The following PTPRQ variants were observed in gnomAD, a reference collection of about 807,000 sequenced individuals.
The protein encoded by PTPRQ is protein tyrosine phosphatase receptor type Q, also known as phosphatidylinositol phosphatase PTPRQ.
Under a neutral mutation model 246.0 loss-of-function variants are expected in PTPRQ, and 199 were observed. The ratio of observed to expected loss-of-function variants is 0.81; its 90% CI spans 0.72 to 0.91. The LOEUF is 0.91. PTPRQ is among the 40% of genes least tolerant of loss of function. The probability of loss-of-function intolerance (pLI) is 0.00; values close to 1 mark genes in which losing one functional copy is unlikely to be tolerated. For missense variants in PTPRQ, 2,624 were observed against 2,528.4 expected (o/e 1.04, Z -0.81); for synonymous variants, 869 against 853.2 (o/e 1.02, Z -0.32).
intron 35 of PTPRQ, among the ~76,000 whole-genome samples, chr12:80,647,947 G>A (rs1408470090): frequency 6.6e-6 from 1 of 151,950 alleles, no homozygotes; most frequent in African/African-American, 2.4e-5. Context: ...ACCTGGTCCA[G>A]CATCCCCATA....
In PTPRQ at chr12:80,632,236, A is replaced by G; in HGVS notation, c.5731A>G (p.Thr1911Ala). Residue 1911 changes from threonine to alanine, a missense_variant, in exon 34 of 45, where the codon ACT becomes GCT. Physicochemically the swap from Thr to Ala is moderately conservative, Grantham distance 58. Transcript: ENST00000644991. ...ERTVEIILSV[T>A]LCILSIILLG... is the part of the protein sequence containing the mutation. ...AACCGTAGAGATCATTCTTTCCGTCACTTTGTGTATCCTTTCAATAATTCT... is the reference window on the plus strand; with the variant it reads ...AACCGTAGAGATCATTCTTTCCGTCGCTTTGTGTATCCTTTCAATAATTCT... 1 of 1,551,450 alleles carries G rather than the reference A, an allele frequency of 6.4e-7. No homozygotes were observed. The highest frequency in any genetic ancestry group is 8.7e-7 in the Non-Finnish European group (1 of 1,146,876).
chr12:80,669,406 C>G lies in PTPRQ; in HGVS notation c.6395C>G (p.Thr2132Arg), dbSNP rs1428661268. 1 of 1,544,514 alleles carries G rather than the reference C, an allele frequency of 6.5e-7. No individual in the cohort carries two copies. Among genetic ancestry groups the G allele is most frequent in the Non-Finnish European group, 8.7e-7 (1 of 1,144,066 alleles). ...PVTVFGDIVITKLMEDVQIDW... is the reference protein window; with the variant it reads ...PVTVFGDIVIRKLMEDVQIDW... ...ACTGTCTTTGGAGATATAGTGATTA[C>G]AAAGCTAATGGAGGATGTTCAAATA... The change falls in exon 41 of 45, where the codon ACA becomes AGA. Residue 2132 changes from threonine to arginine, a missense_variant. By Grantham distance (71) the Thr-to-Arg change is moderately conservative. Coordinates refer to ENST00000644991, the MANE Select transcript of PTPRQ (RefSeq NM_001145026.2).
intron 17 of PTPRQ, among the ~76,000 whole-genome samples, chr12:80,512,068 A>G (rs1214540655): frequency 6.6e-6 from 1 of 152,196 alleles, no homozygotes; most frequent in African/African-American, 2.4e-5. Context: ...AGAAAAACTA[A>G]CAGGACTTGG....
chr12:80,605,272 C>T, intron 27 of PTPRQ, 92 bp downstream of exon 27: 3 of 1,442,314 alleles, frequency 2.1e-6, no homozygotes, highest in Non-Finnish European at 2.8e-6. Context: ...AATTTTGGCT[C>T]TGTTAGACAG....
chr12:80,455,181 A>AAAAC (rs148411196), intron 3 of PTPRQ, among the ~76,000 whole-genome samples: 1 of 152,084 alleles, frequency 6.6e-6, no homozygotes, highest in Admixed American at 6.5e-5. Flanking sequence ...CAAACAAAAC[A>AAAAC]AAACAAACAA....
intron 26 of PTPRQ, among the ~76,000 whole-genome samples, chr12:80,596,677 C>T (rs946795224): frequency 2.0e-5 from 3 of 152,002 alleles, no homozygotes; most frequent in African/African-American, 4.8e-5. Context: ...TTGTCTTTAA[C>T]CTCAGTTCTA....
chr12:80,673,421 C>T, intron 43 of PTPRQ, 117 bp downstream of exon 43: 3 of 1,413,816 alleles, frequency 2.1e-6, no homozygotes, highest in South Asian at 3.0e-5. Context: ...TCTTTTCCTA[C>T]ATTATAAGCC....
rs1892532560 is a variant in PTPRQ at position 80,445,685 on chromosome 12, A to G, written c.358A>G (p.Asn120Asp). 6.5e-6 allele frequency: 10 copies of G among 1,547,990 alleles called. No individual in the cohort carries two copies. Among genetic ancestry groups the G allele is most frequent in the Non-Finnish European group, 8.7e-6 (10 of 1,143,968 alleles). Reference protein sequence around the residue: ...KPDSLEVLLTNLNPGTTYEIK... With the variant: ...KPDSLEVLLTDLNPGTTYEIK... Reference sequence around the variant, plus strand: ...AGACAGTCTGGAAGTTCTTCTTACTAATCTTAATCCTGGAACAACATATGA... The same window carrying G: ...AGACAGTCTGGAAGTTCTTCTTACTGATCTTAATCCTGGAACAACATATGA... Residue 120 changes from asparagine (N) to aspartate (D), a missense_variant, in exon 3 of 45, where the codon AAT (asparagine) becomes GAT (aspartate). Asn to Asp is a conservative substitution (Grantham distance 23). Coordinates refer to ENST00000644991, the MANE Select transcript of PTPRQ (RefSeq NM_001145026.2).
intron 25 of PTPRQ, among the ~76,000 whole-genome samples, chr12:80,560,792 A>G (rs1040190744): frequency 6.6e-6 from 1 of 152,236 alleles, no homozygotes; most frequent in Admixed American, 6.5e-5. Context: ...ATGTATCACT[A>G]TAGGATACCC....
Position 80,679,014 on chromosome 12 carries a change from C to T in PTPRQ, c.6891C>T (p.Thr2297=), listed in dbSNP as rs1412945925. 1 of 1,547,366 alleles carries T rather than the reference C, an allele frequency of 6.5e-7. No homozygotes were observed. The highest frequency in any genetic ancestry group is 2.5e-5 in the East Asian group (1 of 40,736). ...ATGTTGAGCTTGAATGGGAAGAAAC[C>T]ACTATGTAAATATTCAGACCAAAGG... ...EGDVELEWEE[T]TM is the part of the protein sequence containing the mutation. Residue 2297 remains threonine (T), a synonymous_variant, in exon 45 of 45, where the codon ACC becomes ACT. Transcript: ENST00000644991.
rs949379148 is a variant in PTPRQ at position 80,444,759 on chromosome 12, G to A, written c.73G>A (p.Val25Ile). The A allele has an allele frequency of 2.2e-5, 34 of 1,538,752 alleles. No individual in the cohort carries two copies. Among genetic ancestry groups the A allele is most frequent in the East Asian group, 5.0e-5 (2 of 40,360 alleles). Residue 25 changes from valine to isoleucine, a missense_variant, in exon 2 of 45, where the codon GTT becomes ATT. Coordinates refer to ENST00000644991, the MANE Select transcript of PTPRQ (RefSeq NM_001145026.2). Reference sequence around the variant, plus strand: ...GTTCTAGGTTGATGTTTCCAATGTCGTTCCTGGTACTAGGTACGATATAAC... The same window carrying A: ...GTTCTAGGTTGATGTTTCCAATGTCATTCCTGGTACTAGGTACGATATAAC... ...SETQVDVSNV[V>I]PGTRYDITIS...
chr12:80,594,788 T>G (rs191478075), intron 26 of PTPRQ, among the ~76,000 whole-genome samples: 38 of 152,148 alleles, frequency 2.5e-4, no homozygotes, highest in Non-Finnish European at 4.9e-4. Flanking sequence ...ATTTTTCTTT[T>G]CAAGTGTCTC....
intron 38 of PTPRQ, among the ~76,000 whole-genome samples, chr12:80,656,799 A>G (rs1436970586): frequency 6.6e-6 from 1 of 151,784 alleles, no homozygotes; most frequent in African/African-American, 2.4e-5. Context: ...AAAAGATGAA[A>G]TGTTAAAAAA....
intron 35 of PTPRQ, among the ~76,000 whole-genome samples, chr12:80,643,423 C>T (rs147668297): frequency 6.7e-6 from 1 of 148,354 alleles, no homozygotes; most frequent in Non-Finnish European, 1.5e-5. Flanking sequence ...GGGCAACAAT[C>T]GTGAAATCCC....
At chr12:80,488,984 G>A (rs1195312912) in intron 9 of PTPRQ, among the ~76,000 whole-genome samples, 3 of 151,942 alleles carry the variant, frequency 2.0e-5, no homozygotes, top group African/African-American at 7.2e-5. Context: ...GGTGAATCCA[G>A]CCTCTGCTAA....
At chr12:80,607,262 C>A (rs1898359240) in intron 27 of PTPRQ, among the ~76,000 whole-genome samples, 1 of 150,796 alleles carries the variant, frequency 6.6e-6, no homozygotes, top group African/African-American at 2.4e-5. Flanking sequence ...ACTAACAGAT[C>A]AACAATGGTT....
intron 24 of PTPRQ, among the ~76,000 whole-genome samples, chr12:80,548,450 T>C (rs1434053821): frequency 6.6e-6 from 1 of 152,158 alleles, no homozygotes; most frequent in African/African-American, 2.4e-5. Context: ...TTAAAAAATT[T>C]TTTAATGCCA....
chr12:80,470,997 A>C (rs1320430206), intron 7 of PTPRQ, among the ~76,000 whole-genome samples: 2 of 152,208 alleles, frequency 1.3e-5, no homozygotes, highest in Non-Finnish European at 2.9e-5. Flanking sequence ...ATTAAGTCTC[A>C]GGATATTAAA....
chr12:80,588,717 G>A (rs1033105711), intron 26 of PTPRQ, among the ~76,000 whole-genome samples: 6 of 152,152 alleles, frequency 3.9e-5, no homozygotes, highest in African/African-American at 1.2e-4. Context: ...TGCATTGTGG[G>A]AAGCTACTCT....
Sources: allele counts gnomAD v4.1 joint callset (sites outside exome capture counted in the v4.1 genomes callset), GRCh38; gene constraint gnomAD v4.1.1; transcripts MANE v1.5; gene names NCBI Gene and HGNC (gene_info 2026-07-23, HGNC 2026-07-21).